Variants in HACL2 observed in about 807,000 individuals in gnomAD.
The protein encoded by HACL2 is 2-hydroxyacyl-CoA lyase 1 like.
At chr19:15,123,409 G>A in the HACL2 span, 410 of 1,614,106 alleles carry the variant, frequency 2.5e-4, 5 homozygotes, top group East Asian at 6.3e-3. This position sits in a 1 kb window ranked among gnomAD's most constrained non-coding sequence, Gnocchi z 5.1. Flanking sequence ...CAGCAAAGAC[G>A]GCCGTGACCT....
At chr19:15,115,538 C>T in the HACL2 span, 1 of 1,606,050 alleles carries the variant, frequency 6.2e-7, no homozygotes, top group Non-Finnish European at 8.5e-7. Context: ...AGCCTCCTGT[C>T]CTCCCAACCT....
the HACL2 span, chr19:15,117,486 C>T: frequency 6.0e-6 from 1 of 165,886 alleles, no homozygotes; most frequent in East Asian, 1.7e-4. Context: ...CCAACCTGGG[C>T]AACACAGTGA....
chr19:15,116,903 G>A, the HACL2 span: 2 of 229,282 alleles, frequency 8.7e-6, no homozygotes, highest in Admixed American at 5.4e-5. Flanking sequence ...TTACTGAAGT[G>A]AACTAACAAA....
the HACL2 span, chr19:15,119,539 A>G: frequency 6.3e-7 from 1 of 1,587,620 alleles, no homozygotes. Flanking sequence ...TGGGGATCAA[A>G]GGGCTGTCTT....
the HACL2 span, chr19:15,115,345 G>T: frequency 3.1e-6 from 5 of 1,613,986 alleles, no homozygotes; most frequent in South Asian, 4.4e-5. Flanking sequence ...GCTGGGCATC[G>T]TGCAGCACCT....
At chr19:15,119,428 C>T in the HACL2 span, 749 of 1,614,122 alleles carry the variant, frequency 4.6e-4, 1 homozygote, top group African/African-American at 5.6e-3. Context: ...CGAAGCTTGT[C>T]GGCAGACGTT....
chr19:15,117,997 C>T, the HACL2 span: 14 of 1,613,994 alleles, frequency 8.7e-6, no homozygotes, highest in East Asian at 8.9e-5. Context: ...ATAGGATAGG[C>T]GGAAGTCACA....
the HACL2 span, chr19:15,118,080 G>A: frequency 1.9e-6 from 3 of 1,591,632 alleles, no homozygotes; most frequent in Non-Finnish European, 2.6e-6. Context: ...TTGATCCACT[G>A]TGGTGGACTG....
the HACL2 span, chr19:15,120,083 T>C: frequency 6.5e-7 from 1 of 1,539,600 alleles, no homozygotes; most frequent in South Asian, 1.2e-5. Context: ...TCTAAATACC[T>C]GCAAAAGGGA....
the HACL2 span, chr19:15,124,769 A>C: frequency 9.9e-7 from 1 of 1,013,746 alleles, no homozygotes; most frequent in Non-Finnish European, 1.4e-6. Flanking sequence ...CAGCGTGGCA[A>C]TGGAGACAGG....
the HACL2 span, chr19:15,123,842 C>T: frequency 1.9e-6 from 1 of 533,204 alleles, no homozygotes; most frequent in Non-Finnish European, 3.3e-6. This position sits in a 1 kb window ranked among gnomAD's most constrained non-coding sequence, Gnocchi z 5.1. Context: ...CAATAGAACC[C>T]ACGCTCTTAA....
the HACL2 span, chr19:15,124,878 T>C: frequency 6.4e-7 from 1 of 1,563,218 alleles, no homozygotes. Context: ...ACGAGGCCCC[T>C]CCCTCTTTGA....
At chr19:15,124,920 C>G in the HACL2 span, 1 of 1,602,104 alleles carries the variant, frequency 6.2e-7, no homozygotes. Context: ...TTCTGTGCCC[C>G]GCACCTTGTG....
the HACL2 span, chr19:15,119,214 C>T: frequency 1.9e-6 from 3 of 1,606,076 alleles, 1 homozygote; most frequent in Middle Eastern, 3.3e-4. Context: ...CTGCGGTTCT[C>T]CCGGATGTGG....
At chr19:15,118,173 G>A in the HACL2 span, among the ~76,000 whole-genome samples, 1 of 152,112 alleles carries the variant, frequency 6.6e-6, no homozygotes, top group South Asian at 2.1e-4. Context: ...CACACCCCCT[G>A]AATCGGGACT....
chr19:15,123,254 G>A, the HACL2 span: 1 of 1,613,330 alleles, frequency 6.2e-7, no homozygotes, highest in Non-Finnish European at 8.5e-7. The surrounding 1 kb of genome is among the most constrained non-coding windows in gnomAD (Gnocchi z 5.1). Context: ...CTGGAACACA[G>A]AGCCCATCAC....
At chr19:15,116,381 C>T in the HACL2 span, 2 of 1,613,766 alleles carry the variant, frequency 1.2e-6, no homozygotes, top group Non-Finnish European at 1.7e-6. Context: ...GAACCCCCTT[C>T]CCACATCCAC....
chr19:15,119,617 C>T, the HACL2 span: 2 of 973,944 alleles, frequency 2.1e-6, no homozygotes, highest in East Asian at 5.3e-5. Flanking sequence ...ATGGCATGAT[C>T]TCAGCTCACT....
At chr19:15,119,134 G>A in the HACL2 span, 123 of 1,521,304 alleles carry the variant, frequency 8.1e-5, no homozygotes, top group African/African-American at 4.2e-5. Flanking sequence ...GGTTCCTGGG[G>A]GAAGGAGGGA....
Sources: allele counts gnomAD v4.1 joint callset (sites outside exome capture counted in the v4.1 genomes callset), GRCh38; gene constraint gnomAD v4.1.1; non-coding constraint Gnocchi (gnomAD v3.1); transcripts MANE v1.5; gene names NCBI Gene and HGNC (gene_info 2026-07-23, HGNC 2026-07-21).